Variants in AKAP7 observed in about 807,000 individuals in gnomAD.
AKAP7 encodes A-kinase anchoring protein 7.
A neutral mutation model predicts 39.5 loss-of-function variants in AKAP7; 39 were observed. The ratio of observed to expected loss-of-function variants is 0.99; its 90% CI spans 0.76 to 1.29. The LOEUF is 1.29. Ranked by LOEUF, AKAP7 falls within the 50% of genes most tolerant of loss-of-function variation. The pLI, the probability that AKAP7 is intolerant of heterozygous loss-of-function variation, is 0.00. For synonymous variants in AKAP7, 140 were observed against 139.1 expected (o/e 1.01, Z -0.05); for missense variants, 414 against 407.7 (o/e 1.02, Z -0.13).
chr6:131,282,450 A>G lies in AKAP7; in HGVS notation c.*724A>G, dbSNP rs1474282340. 5.2e-6 allele frequency: 8 copies of G among 1,531,060 alleles called. No individual in the cohort carries two copies. The Admixed American group carries it at 1.6e-4, about 30-fold the overall frequency. 94.8% of individuals were successfully genotyped at this position (1,531,060 alleles called of 1,614,324 possible). Reference sequence around the variant, plus strand: ...TTAATTAATGAAGCTTTGCATCGAGAAACGATGGGTCTGAAGTCCAAAGTG... The same window carrying G: ...TTAATTAATGAAGCTTTGCATCGAGGAACGATGGGTCTGAAGTCCAAAGTG... On this transcript the variant is annotated 3_prime_UTR_variant, in exon 8 of 8. Coordinates refer to ENST00000431975, the MANE Select transcript of AKAP7 (RefSeq NM_016377.4).
intron 7 of AKAP7, among the ~76,000 whole-genome samples, chr6:131,271,523 TG>T (rs1814279801): frequency 6.6e-6 from 1 of 152,194 alleles, no homozygotes; most frequent in Admixed American, 6.5e-5. Context: ...AAAACTGTTT[TG>T]GCTTTTCAAG....
chr6:131,271,380 G>A (rs576150753), intron 7 of AKAP7, among the ~76,000 whole-genome samples: 62 of 151,954 alleles, frequency 4.1e-4, no homozygotes, highest in East Asian at 2.1e-3. Context: ...GTCTAGTTGC[G>A]GATTTTTTTT....
chr6:131,157,427 G>C (rs1802518876), intron 2 of AKAP7, among the ~76,000 whole-genome samples: 1 of 152,192 alleles, frequency 6.6e-6, no homozygotes, highest in South Asian at 2.1e-4. Context: ...TTTATTAACA[G>C]TAGGTGGTGG....
intron 2 of AKAP7, among the ~76,000 whole-genome samples, chr6:131,157,237 A>G (rs931620838): frequency 1.3e-5 from 2 of 152,192 alleles, no homozygotes; most frequent in African/African-American, 4.8e-5. Context: ...CCTCAAAAAG[A>G]TCCTATGAAG....
chr6:131,198,523 A>G (rs77754500), intron 5 of AKAP7, among the ~76,000 whole-genome samples: 1,938 of 152,212 alleles, frequency 0.013, 39 homozygotes, highest in African/African-American at 0.045. Context: ...CTTGCTTCTA[A>G]GATTTCCTAG....
chr6:131,138,138 G>A (rs925726036), intron 1 of AKAP7, among the ~76,000 whole-genome samples: 1 of 151,948 alleles, frequency 6.6e-6, no homozygotes, highest in African/African-American at 2.4e-5. Flanking sequence ...CCAGCCTCTG[G>A]TAACCATTCT....
chr6:131,219,001 GCCCA>G (rs1190707504), intron 6 of AKAP7, among the ~76,000 whole-genome samples: 2 of 152,048 alleles, frequency 1.3e-5, no homozygotes, highest in Admixed American at 6.5e-5. Flanking sequence ...GGGCGCAGTG[GCCCA>G]CGTCTGTAAT....
At chr6:131,174,868 A>G (rs1804423818) in intron 5 of AKAP7, among the ~76,000 whole-genome samples, 1 of 152,188 alleles carries the variant, frequency 6.6e-6, no homozygotes, top group Non-Finnish European at 1.5e-5. Flanking sequence ...TAAAGAAAGT[A>G]ATTCTAGTTG....
chr6:131,196,094 G>C (rs944310933), intron 5 of AKAP7, among the ~76,000 whole-genome samples: 10 of 151,924 alleles, frequency 6.6e-5, no homozygotes, highest in African/African-American at 2.2e-4. Flanking sequence ...TTGTCCCTTT[G>C]AGACTATCTT....
intron 6 of AKAP7, among the ~76,000 whole-genome samples, chr6:131,212,030 T>C (rs1169254551): frequency 6.6e-6 from 1 of 152,204 alleles, no homozygotes; most frequent in Non-Finnish European, 1.5e-5. Context: ...TATAGTAAAG[T>C]GTTGCATATC....
chr6:131,226,949 T>G (rs1196579945), intron 7 of AKAP7, among the ~76,000 whole-genome samples: 2 of 152,150 alleles, frequency 1.3e-5, no homozygotes, highest in Non-Finnish European at 2.9e-5. Context: ...CAGAGAAGTA[T>G]AAGACACAGT....
upstream of AKAP7, among the ~76,000 whole-genome samples, chr6:131,131,194 A>G (rs1800320177): frequency 6.6e-6 from 1 of 152,094 alleles, no homozygotes; most frequent in South Asian, 2.1e-4. Flanking sequence ...CCTCGCATCC[A>G]CCCTCCAGAA....
chr6:131,206,866 C>T (rs1808155450), intron 6 of AKAP7, among the ~76,000 whole-genome samples: 1 of 152,134 alleles, frequency 6.6e-6, no homozygotes, highest in African/African-American at 2.4e-5. Flanking sequence ...GACTGCCACT[C>T]ACTTTTGGGG....
chr6:131,139,320 A>G (rs573328574), intron 1 of AKAP7, among the ~76,000 whole-genome samples: 3 of 152,294 alleles, frequency 2.0e-5, no homozygotes, highest in South Asian at 2.1e-4. Flanking sequence ...AATAATTCCT[A>G]TTATTCTATA....
rs182768453 is a variant in AKAP7, at chr6:131,282,265, A to G, written c.*539A>G. ...TTATAGTAAATTATGTTTCATGTAA[A>G]TGATATATTTTTGGTGAAATGCAAC... On this transcript the variant is annotated 3_prime_UTR_variant, in exon 8 of 8. Coordinates refer to ENST00000431975, the MANE Select transcript of AKAP7 (RefSeq NM_016377.4). 2 of 1,360,140 alleles carry G rather than the reference A, an allele frequency of 1.5e-6. No homozygotes were observed. Among genetic ancestry groups the G allele is most frequent in the Admixed American group, 3.4e-5 (1 of 29,462 alleles). 84.3% of individuals were successfully genotyped at this position (1,360,140 alleles called of 1,614,324 possible).
chr6:131,270,008 C>G (rs1294692072), intron 7 of AKAP7, among the ~76,000 whole-genome samples: 1 of 152,182 alleles, frequency 6.6e-6, no homozygotes, highest in Admixed American at 6.5e-5. Context: ...GTCCATTCAT[C>G]AGGTTCACAG....
intron 5 of AKAP7, among the ~76,000 whole-genome samples, chr6:131,181,682 C>T (rs1329262668): frequency 1.3e-5 from 2 of 152,138 alleles, no homozygotes; most frequent in Non-Finnish European, 2.9e-5. Context: ...GTCCATGCTG[C>T]ACCCATTGTT....
At chr6:131,169,690 C>T (rs908497426) in intron 5 of AKAP7, among the ~76,000 whole-genome samples, 2 of 152,070 alleles carry the variant, frequency 1.3e-5, no homozygotes, top group African/African-American at 4.8e-5. Flanking sequence ...TTGTGCAGCA[C>T]AATTGAAAGT....
At chr6:131,158,848 C>T (rs1239807109) in intron 2 of AKAP7, among the ~76,000 whole-genome samples, 1 of 150,728 alleles carries the variant, frequency 6.6e-6, no homozygotes, top group African/African-American at 2.4e-5. Flanking sequence ...TTCAAGAAGA[C>T]ATGGCTTGGA....
Sources: allele counts gnomAD v4.1 joint callset (sites outside exome capture counted in the v4.1 genomes callset), GRCh38; gene constraint gnomAD v4.1.1; transcripts MANE v1.5; gene names NCBI Gene and HGNC (gene_info 2026-07-23, HGNC 2026-07-21).